Variants in SCNN1A observed in about 807,000 individuals in gnomAD.
SCNN1A encodes the protein sodium channel epithelial 1 subunit alpha.
Under a neutral mutation model 68.6 loss-of-function variants are expected in SCNN1A, and 65 were observed. The observed-to-expected ratio is 0.95, with a 90% CI of 0.78 to 1.16. The LOEUF (loss-of-function observed/expected upper bound fraction) is 1.16. SCNN1A is among the 50% of genes most tolerant of loss of function. The pLI is 0.00. For missense variants in SCNN1A, 880 were observed against 865.9 expected (o/e 1.02, Z -0.20); for synonymous variants, 357 against 353.3 (o/e 1.01, Z -0.12).
chr12:6,375,970 G>A (rs1405095356), upstream of SCNN1A: 8 of 1,027,652 alleles, frequency 7.8e-6, no homozygotes, highest in Non-Finnish European at 4.7e-6. Context: ...AGGCAGGTGG[G>A]GGGCAGTGGT....
In SCNN1A at chr12:6,374,452, C is replaced by A; in HGVS notation, c.332G>T (p.Ser111Ile). 1 of 1,614,242 alleles carries A rather than the reference C, an allele frequency of 6.2e-7. No homozygotes were observed. Among genetic ancestry groups the A allele is most frequent in the Non-Finnish European group, 8.5e-7 (1 of 1,180,038 alleles). The part of the protein sequence containing the change: ...QFGLLFGEYF[S>I]YPVSLNINLN... ...GTTGATGTTGAGGCTGACGGGGTAG[C>A]TGAAGTACTCTCCGAAAAGCAGGCC... is the stretch of plus-strand genomic sequence containing the variant. The change falls in exon 2 of 13, where the codon AGC becomes ATC. Residue 111 changes from serine (S) to isoleucine (I), a missense_variant. Physicochemically the swap from Ser to Ile is moderately radical, Grantham distance 142. Around this residue, in one of 3 missense-constraint regions of SCNN1A, gnomAD observed 758 missense variants for 721.8 expected, o/e 1.05. Coordinates refer to ENST00000228916, the MANE Select transcript of SCNN1A (RefSeq NM_001038.6). The surrounding 1 kb of genome is among the most constrained non-coding windows in gnomAD (Gnocchi z 6.2).
Position 6,363,372 on chromosome 12 carries a change from G to T in SCNN1A, c.684+71C>A. 3 of 1,360,232 alleles carry T rather than the reference G, an allele frequency of 2.2e-6. No individual in the cohort carries two copies. The South Asian group carries it at 4.7e-5, about 21-fold the overall frequency. 84.3% of individuals were successfully genotyped at this position (1,360,232 alleles called of 1,614,324 possible). A position where few individuals can be genotyped will look rare whatever the true frequency, so the allele number is the denominator to read the frequency against. On this transcript the variant is annotated intron_variant, in intron 3 of 12. Coordinates refer to ENST00000228916, the MANE Select transcript of SCNN1A (RefSeq NM_001038.6). ...TGCGCGGGCGGGTCAGGAAAGGAGC[G>T]GAGCCCATGGGTGGGCGGGGCCAGG...
intron 2 of SCNN1A, among the ~76,000 whole-genome samples, chr12:6,369,459 G>C (rs1028014649): frequency 1.1e-4 from 16 of 152,050 alleles, no homozygotes; most frequent in Non-Finnish European, 1.9e-4. Flanking sequence ...CTGTGACAAG[G>C]CCTCCAGAGG....
rs202151383 is a variant in SCNN1A at position 6,354,807 on chromosome 12, G to T, written c.1185C>A (p.Thr395=). 1.2e-6 allele frequency: 2 copies of T among 1,613,976 alleles called. No homozygotes were observed. The highest frequency in any genetic ancestry group is 1.7e-6 in the Non-Finnish European group (2 of 1,179,982). Residue 395 remains threonine (T), a synonymous_variant, in exon 7 of 13, where the codon ACC becomes ACA. Coordinates refer to ENST00000228916, the MANE Select transcript of SCNN1A (RefSeq NM_001038.6). ...CAACAGGAACATCACTGCCATTCTT[G>T]GTGCAGTCGCCATAATCGCCCCCAA... ...DRLGGDYGDC[T]KNGSDVPVEN...
At chr12:6,358,297 G>A (rs957495033) in intron 4 of SCNN1A, among the ~76,000 whole-genome samples, 2 of 152,262 alleles carry the variant, frequency 1.3e-5, no homozygotes, top group Middle Eastern at 3.4e-3. Flanking sequence ...ATGAGGAGGA[G>A]GTAGAGAATT....
Position 6,374,835 on chromosome 12 carries a change from C to T in SCNN1A, c.-52G>A. 6.2e-7 allele frequency: 1 copy of T among 1,614,096 alleles called. No homozygotes were observed. Among genetic ancestry groups the T allele is most frequent in the Non-Finnish European group, 8.5e-7 (1 of 1,180,014 alleles). ...TAGGGTCCTGCTCCTCCAGCTTGTTCCCCTTCATGAGCCCCGGAGTGGATT... is the reference window on the plus strand; with the variant it reads ...TAGGGTCCTGCTCCTCCAGCTTGTTTCCCTTCATGAGCCCCGGAGTGGATT... On this transcript the variant is annotated splice_region_variant and 5_prime_UTR_variant, in exon 2 of 13. Transcript: ENST00000228916. This position sits in a 1 kb window ranked among gnomAD's most constrained non-coding sequence, Gnocchi z 6.2.
chr12:6,366,097 G>T (rs1229597279), intron 2 of SCNN1A, among the ~76,000 whole-genome samples: 1 of 151,974 alleles, frequency 6.6e-6, no homozygotes, highest in East Asian at 1.9e-4. Context: ...TTCGTGATCC[G>T]CCCGTCTCGG....
chr12:6,354,026 T>G (rs188437559), intron 8 of SCNN1A: 2,172 of 213,492 alleles, frequency 0.01, 52 homozygotes, highest in African/African-American at 0.047. Context: ...GTCAGGAGAT[T>G]GAGACCATCC....
intron 8 of SCNN1A, chr12:6,349,713 A>C: frequency 3.8e-6 from 1 of 262,422 alleles, no homozygotes; most frequent in Non-Finnish European, 7.5e-6. Context: ...TGTCTCTAAA[A>C]AAAAAAATTT....
chr12:6,366,754 C>T (rs1044366499), intron 2 of SCNN1A, among the ~76,000 whole-genome samples: 6 of 151,582 alleles, frequency 4.0e-5, no homozygotes, highest in Admixed American at 6.6e-5. Flanking sequence ...GAGCCAAGAT[C>T]TCGCCATTGC....
chr12:6,354,315 G>A, intron 8 of SCNN1A, 123 bp downstream of exon 8: 1 of 740,536 alleles, frequency 1.4e-6, no homozygotes, highest in Non-Finnish European at 2.5e-6. Context: ...CAAGAGCAAG[G>A]AAGGATTCAT....
At chr12:6,355,016 A>G (rs900635282) in intron 6 of SCNN1A, among the ~76,000 whole-genome samples, 168 bp from the exon 7 acceptor site, 1 of 151,684 alleles carries the variant, frequency 6.6e-6, no homozygotes, top group Non-Finnish European at 1.5e-5. Flanking sequence ...TGCTCATTTC[A>G]AGGCCACTAG....
At chr12:6,359,961 G>A (rs2136877889) in intron 4 of SCNN1A, among the ~76,000 whole-genome samples, 1 of 152,010 alleles carries the variant, frequency 6.6e-6, no homozygotes, top group Admixed American at 6.6e-5. Flanking sequence ...AGTAGAGATG[G>A]GGTTTCGCCA....
intron 2 of SCNN1A, 155 bp from the exon 3 acceptor site, chr12:6,363,865 G>A: frequency 1.6e-6 from 1 of 609,452 alleles, no homozygotes; most frequent in East Asian, 3.2e-5. Flanking sequence ...CTGGCCGTCC[G>A]GCGGTGAAGG....
In SCNN1A at chr12:6,347,951, A is replaced by G. The variant is rs1308614919; in HGVS notation, c.1932T>C (p.Tyr644=). 1.3e-6 allele frequency: 2 copies of G among 1,572,944 alleles called. No individual in the cohort carries two copies. The highest frequency in any genetic ancestry group is 8.7e-7 in the Non-Finnish European group (1 of 1,156,006). The part of the protein sequence containing the change: ...SPALTAPPPA[Y]ATLGPRPSPG... ...GAGATGGGCGGGGGCCCAGGGTGGC[A>G]TAGGCAGGGGGAGGGGCTGTCAAGG... Residue 644 remains tyrosine (Y), a synonymous_variant, in exon 13 of 13, where the codon TAT becomes TAC. Coordinates refer to ENST00000228916, the MANE Select transcript of SCNN1A (RefSeq NM_001038.6).
rs180729483 is a variant in SCNN1A at position 6,362,171 on chromosome 12, T to C, written c.755A>G (p.Tyr252Cys). The C allele has an allele frequency of 6.8e-6, 11 of 1,614,162 alleles. No individual in the cohort carries two copies. The African/African-American group carries it at 1.5e-4, about 22-fold the overall frequency. Residue 252 changes from tyrosine (Y) to cysteine (C), a missense_variant, in exon 4 of 13, where the codon TAC becomes TGC. This residue lies in a region of SCNN1A where 758 missense variants were observed against 721.8 expected (regional missense o/e 1.05). Transcript: ENST00000228916. ...SSGVDAVREWYRFHYINILSR... is the reference protein window; with the variant it reads ...SSGVDAVREWCRFHYINILSR... ...CAGGATGTTGATGTAGTGGAAGCGG[T>C]ACCACTCCCTCACCGCATCCACCCC...
In SCNN1A at chr12:6,373,222, CTCCA is replaced by C. The variant is rs761629916; in HGVS notation, c.416+1142_416+1145del. Among the ~76,000 whole-genome samples the C allele has an allele frequency of 8.8e-4, 134 of 152,008 alleles. 3 individuals are homozygous for C. Among genetic ancestry groups the C allele is most frequent in the Non-Finnish European group, 2.4e-4 (16 of 68,002 alleles). ...GACATGATGGAATATACGAAGGGGC[CTCCA>C]CCCACAGCATGACCAATCCCCAGCA... On this transcript the variant is annotated intron_variant, in intron 2 of 12. Transcript: ENST00000228916.
In SCNN1A at chr12:6,348,136, T is replaced by C. The variant is rs1565474491; in HGVS notation, c.1747A>G (p.Met583Val). 6.2e-7 allele frequency: 1 copy of C among 1,614,080 alleles called. No individual in the cohort carries two copies. Among genetic ancestry groups the C allele is most frequent in the Non-Finnish European group, 8.5e-7 (1 of 1,179,988 alleles). Residue 583 changes from methionine (M) to valine (V), a missense_variant, in exon 13 of 13, where the codon ATG becomes GTG. This residue lies in a region of SCNN1A where 758 missense variants were observed against 721.8 expected (regional missense o/e 1.05). Transcript: ENST00000228916. Reference protein sequence around the residue: ...VFDLLVIMFLMLLRRFRSRYW... With the variant: ...VFDLLVIMFLVLLRRFRSRYW... Reference sequence around the variant, plus strand: ...CGGCTTCGGAACCTTCGGAGCAGCATGAGGAACATGATGACCAGCAGGTCA... The same window carrying C: ...CGGCTTCGGAACCTTCGGAGCAGCACGAGGAACATGATGACCAGCAGGTCA...
intron 2 of SCNN1A, among the ~76,000 whole-genome samples, chr12:6,366,515 A>G (rs947521943): frequency 1.3e-5 from 2 of 152,166 alleles, no homozygotes; most frequent in Admixed American, 1.3e-4. Flanking sequence ...AGATTTGTAC[A>G]TGAGGCTGGG....
Sources: gnomAD v4.1 joint callset for allele counts (sites outside exome capture counted in the v4.1 genomes callset) on GRCh38, gnomAD v4.1.1 for gene constraint, gnomAD v4.1.1 regional missense constraint, Gnocchi (gnomAD v3.1) non-coding constraint, MANE v1.5 for transcripts, NCBI Gene and HGNC (gene_info 2026-07-23, HGNC 2026-07-21) for gene names.